Variants in STK32B observed in about 807,000 individuals in gnomAD.
STK32B encodes serine/threonine kinase 32B.
A neutral mutation model predicts 52.6 loss-of-function variants in STK32B; 43 were observed. That is an observed-to-expected ratio of 0.82 (90% CI 0.64 to 1.05). STK32B has a LOEUF of 1.05. Among genes scored for constraint, STK32B ranks in the 50% least tolerant of loss-of-function variants. The probability of loss-of-function intolerance (pLI) is 0.00; values close to 1 mark genes in which losing one functional copy is unlikely to be tolerated. For missense variants in STK32B, 621 were observed against 534.6 expected, an observed-to-expected ratio of 1.16 and a Z score of -1.59; for synonymous variants, 238 against 204.3, an observed-to-expected ratio of 1.17 and a Z score of -1.41.
intron 1 of STK32B, among the ~76,000 whole-genome samples, chr4:5,114,648 A>T (rs1488419814): frequency 6.6e-6 from 1 of 152,214 alleles, no homozygotes; most frequent in Non-Finnish European, 1.5e-5. Flanking sequence ...GAGACATATA[A>T]CTTACATATA....
intron 3 of STK32B, among the ~76,000 whole-genome samples, chr4:5,291,566 A>C (rs1728892880): frequency 6.6e-6 from 1 of 152,176 alleles, no homozygotes; most frequent in Non-Finnish European, 1.5e-5. Flanking sequence ...GCAGATTAAA[A>C]GAATTACACG....
chr4:5,446,579 A>C, intron 6 of STK32B, 94 bp from the exon 7 acceptor site: 2 of 1,142,342 alleles, frequency 1.8e-6, no homozygotes, highest in Non-Finnish European at 2.5e-6. Flanking sequence ...AAAAAAAAAA[A>C]ACAAGCTCAA....
At chr4:5,424,205 G>A (rs1712878991) in intron 6 of STK32B, among the ~76,000 whole-genome samples, 1 of 152,194 alleles carries the variant, frequency 6.6e-6, no homozygotes, top group African/African-American at 2.4e-5. Context: ...AAGCATGAGA[G>A]AGAGGCTGAA....
chr4:5,073,650 A>G (rs915684312), intron 1 of STK32B, among the ~76,000 whole-genome samples: 7 of 152,060 alleles, frequency 4.6e-5, no homozygotes, highest in Non-Finnish European at 8.8e-5. Context: ...TTGTGCTTTC[A>G]GATAGTACAG....
intron 1 of STK32B, among the ~76,000 whole-genome samples, chr4:5,056,773 A>C (rs1742021983): frequency 6.6e-6 from 1 of 152,230 alleles, no homozygotes; most frequent in Non-Finnish European, 1.5e-5. Context: ...ACTGTGTCAC[A>C]TGCCCACTTT....
At chr4:5,175,817 T>G (rs920829158) in intron 3 of STK32B, among the ~76,000 whole-genome samples, 2 of 152,226 alleles carry the variant, frequency 1.3e-5, no homozygotes, top group African/African-American at 4.8e-5. Context: ...GAACCACTAC[T>G]CTGTTCAAAG....
chr4:5,141,956 CT>C (rs11323726), intron 2 of STK32B, among the ~76,000 whole-genome samples: 4,470 of 152,240 alleles, frequency 0.029, 236 homozygotes, highest in African/African-American at 0.1. Context: ...GACTTCCCCC[CT>C]GGAACCTCCC....
At chr4:5,086,656 G>A (rs1013733180) in intron 1 of STK32B, among the ~76,000 whole-genome samples, 4 of 152,072 alleles carry the variant, frequency 2.6e-5, no homozygotes, top group African/African-American at 9.7e-5. Context: ...GAACCACACC[G>A]AGATTAATTA....
At chr4:5,103,102 A>G (rs1292131329) in intron 1 of STK32B, among the ~76,000 whole-genome samples, 3 of 151,666 alleles carry the variant, frequency 2.0e-5, no homozygotes, top group Admixed American at 2.0e-4. Context: ...AGGTGTGATC[A>G]AGTAAAATTG....
chr4:5,241,345 C>T lies in STK32B; in HGVS notation c.260+72895C>T, dbSNP rs965356978. ...TCGTTGCCCCATGTACCATTATTTT[C>T]GTTTACAAAAACTTATGTAAATTGC... On this transcript the variant is annotated intron_variant, in intron 3 of 11. Coordinates refer to ENST00000282908, the MANE Select transcript of STK32B (RefSeq NM_018401.3). Among the ~76,000 whole-genome samples, 6 of 152,014 alleles carry T rather than the reference C, an allele frequency of 3.9e-5. No homozygotes were observed. In the East Asian group the frequency reaches 1.2e-3, roughly 29 times the overall value.
chr4:5,433,623 A>T (rs1455613590), intron 6 of STK32B, among the ~76,000 whole-genome samples: 2 of 152,208 alleles, frequency 1.3e-5, no homozygotes, highest in Non-Finnish European at 2.9e-5. Context: ...CCTCTAGGCC[A>T]AAATTTAGTA....
chr4:5,319,378 C>T (rs1731334475), intron 3 of STK32B, among the ~76,000 whole-genome samples: 2 of 152,180 alleles, frequency 1.3e-5, no homozygotes, highest in Admixed American at 6.5e-5. Context: ...AGCAAAGGTC[C>T]TCCAACTAAT....
intron 4 of STK32B, among the ~76,000 whole-genome samples, chr4:5,376,793 G>A (rs1735617422): frequency 6.6e-6 from 1 of 152,090 alleles, no homozygotes; most frequent in African/African-American, 2.4e-5. Context: ...ATTCTACAGT[G>A]GCTTCTCTTC....
chr4:5,422,831 A>T (rs1487873276), intron 6 of STK32B, among the ~76,000 whole-genome samples: 1 of 152,102 alleles, frequency 6.6e-6, no homozygotes, highest in Non-Finnish European at 1.5e-5. Context: ...ATCTTTTTGG[A>T]CAGTTTTAAG....
chr4:5,156,033 T>C (rs1479540728), intron 2 of STK32B, among the ~76,000 whole-genome samples: 1 of 151,924 alleles, frequency 6.6e-6, no homozygotes, highest in Non-Finnish European at 1.5e-5. Context: ...CATATACCTA[T>C]AGATCCACCA....
intron 3 of STK32B, among the ~76,000 whole-genome samples, chr4:5,237,742 C>T (rs1239383066): frequency 2.6e-5 from 4 of 152,144 alleles, no homozygotes; most frequent in Non-Finnish European, 1.5e-5. Context: ...AGCAGCCTCC[C>T]CCCATCATGG....
intron 11 of STK32B, among the ~76,000 whole-genome samples, chr4:5,490,242 G>A (rs1719604951): frequency 6.6e-6 from 1 of 151,946 alleles, no homozygotes; most frequent in Admixed American, 6.6e-5. Context: ...GAGTAGCTGG[G>A]ATTACAGGTG....
In STK32B at chr4:5,136,091, C is replaced by T. The variant is rs182903417; in HGVS notation, c.53-3814C>T. ...ACAAGGTTCCAGGTGATTCTGAAAACGCCACTGGATTTGATCAATTATGAC... is the reference window on the plus strand; with the variant it reads ...ACAAGGTTCCAGGTGATTCTGAAAATGCCACTGGATTTGATCAATTATGAC... On this transcript the variant is annotated intron_variant, in intron 1 of 11. Coordinates refer to ENST00000282908, the MANE Select transcript of STK32B (RefSeq NM_018401.3). 3.9e-3 allele frequency among the ~76,000 whole-genome samples: 592 copies of T among 152,274 alleles called. 1 individual carries two copies. The highest frequency in any genetic ancestry group is 5.7e-3 in the Non-Finnish European group (391 of 68,024).
chr4:5,393,000 T>A (rs1736678034), intron 4 of STK32B, among the ~76,000 whole-genome samples: 1 of 152,096 alleles, frequency 6.6e-6, no homozygotes, highest in African/African-American at 2.4e-5. Flanking sequence ...TGATGTGTTG[T>A]CATTTCTTAA....
Sources: gnomAD v4.1 joint callset for allele counts (sites outside exome capture counted in the v4.1 genomes callset) on GRCh38, gnomAD v4.1.1 for gene constraint, MANE v1.5 for transcripts, NCBI Gene and HGNC (gene_info 2026-07-23, HGNC 2026-07-21) for gene names.